Variants in SPATA13 observed in about 807,000 individuals in gnomAD.
SPATA13 encodes spermatogenesis-associated protein 13.
In SPATA13, 50 loss-of-function variants were observed where a neutral mutation model predicts 104.0. The ratio of observed to expected loss-of-function variants is 0.48; its 90% CI spans 0.38 to 0.61. SPATA13 has a LOEUF of 0.61. Among genes scored for constraint, SPATA13 ranks in the 20% least tolerant of loss-of-function variants. The pLI is 0.00. For missense variants in SPATA13, 1,524 were observed against 1,690.6 expected, an observed-to-expected ratio of 0.90 and a Z score of 1.73; for synonymous variants, 606 against 667.5, an observed-to-expected ratio of 0.91 and a Z score of 1.42.
At chr13:23,998,308 T>A (rs1382536148) in intron 2 of SPATA13, among the ~76,000 whole-genome samples, 2 of 152,216 alleles carry the variant, frequency 1.3e-5, no homozygotes, top group African/African-American at 4.8e-5. Context: ...TAGTTTTAAT[T>A]TGCATTTTCT....
At chr13:24,026,476 T>C (rs1877220050) in intron 3 of SPATA13, among the ~76,000 whole-genome samples, 1 of 152,238 alleles carries the variant, frequency 6.6e-6, no homozygotes, top group African/African-American at 2.4e-5. Context: ...GTGGTTCAGT[T>C]TGGGTAAGAT....
At position 24,242,614 on chromosome 13, in the gene SPATA13, T is replaced by G. The variant is rs532826716; in HGVS notation, c.1654-6863T>G. 2.0e-5 allele frequency among the ~76,000 whole-genome samples: 3 copies of G among 152,326 alleles called. No individual in the cohort carries two copies. In the South Asian group the frequency reaches 6.2e-4, roughly 32 times the overall value. ...TGGGGGTAATTACGTCTTCTTTGCT[T>G]CTTTGAAAATATAATTATAGTTAGA... On this transcript the variant is annotated intron_variant, in intron 2 of 12. Transcript: ENST00000382108.
chr13:24,256,969 G>T (rs1303448444), intron 4 of SPATA13, among the ~76,000 whole-genome samples: 1 of 152,130 alleles, frequency 6.6e-6, no homozygotes, highest in Non-Finnish European at 1.5e-5. Flanking sequence ...TATCTTTGCC[G>T]CCTTTGCTTT....
intron 2 of SPATA13, among the ~76,000 whole-genome samples, chr13:24,010,109 A>C (rs1380183412): frequency 6.6e-6 from 1 of 152,158 alleles, no homozygotes; most frequent in East Asian, 1.9e-4. Context: ...CGAAGTGGGG[A>C]GGGGGCTTCC....
chr13:24,291,958 T>G (rs979963977), intron 9 of SPATA13, among the ~76,000 whole-genome samples: 1 of 151,168 alleles, frequency 6.6e-6, no homozygotes, highest in Non-Finnish European at 1.5e-5. Flanking sequence ...GGGTTTCACC[T>G]TGTTAGCCAG....
intron 2 of SPATA13, among the ~76,000 whole-genome samples, chr13:24,002,767 C>T (rs1263008088): frequency 6.6e-6 from 1 of 152,130 alleles, no homozygotes; most frequent in African/African-American, 2.4e-5. Flanking sequence ...AACAGGTTTC[C>T]TACCCGCTGC....
chr13:24,237,674 T>G (rs1235402780), intron 2 of SPATA13, among the ~76,000 whole-genome samples: 4 of 151,888 alleles, frequency 2.6e-5, no homozygotes, highest in Non-Finnish European at 5.9e-5. Flanking sequence ...TAAAAATAAT[T>G]AAAATGGAGG....
intron 4 of SPATA13, chr13:24,254,229 C>A (rs1469013213): frequency 6.6e-6 from 1 of 152,156 alleles, no homozygotes; most frequent in Non-Finnish European, 1.5e-5. Flanking sequence ...AAGTACTTCT[C>A]CCTTGGGCAC....
At chr13:24,021,954 G>T (rs1876993812) in intron 3 of SPATA13, among the ~76,000 whole-genome samples, 1 of 151,744 alleles carries the variant, frequency 6.6e-6, no homozygotes, top group South Asian at 2.1e-4. Context: ...CTCGTAATCT[G>T]CCTGCCTCGG....
At chr13:24,107,663 G>T (rs1327865040) in intron 3 of SPATA13, among the ~76,000 whole-genome samples, 1 of 152,114 alleles carries the variant, frequency 6.6e-6, no homozygotes, top group Non-Finnish European at 1.5e-5. Context: ...CAGCGCCTAC[G>T]TCAGCTTTTC....
chr13:24,004,163 C>T (rs1876111145), intron 2 of SPATA13, among the ~76,000 whole-genome samples: 1 of 152,098 alleles, frequency 6.6e-6, no homozygotes, highest in African/African-American at 2.4e-5. Context: ...TAAAAAATCT[C>T]CAAAGCATCA....
chr13:24,190,030 T>TA (rs1869528339), intron 1 of SPATA13, among the ~76,000 whole-genome samples: 1 of 96,768 alleles, frequency 1.0e-5, no homozygotes, highest in African/African-American at 4.7e-5. Context: ...CATAATGATA[T>TA]ACAATATATA....
At chr13:24,061,901 G>GA (rs371972167) in intron 3 of SPATA13, among the ~76,000 whole-genome samples, 8 of 149,260 alleles carry the variant, frequency 5.4e-5, no homozygotes, top group Admixed American at 6.7e-5. Context: ...AAAAAAAAAA[G>GA]AAAAAAACTG....
chr13:24,196,107 T>C (rs548302073), intron 1 of SPATA13, among the ~76,000 whole-genome samples: 2 of 152,312 alleles, frequency 1.3e-5, no homozygotes, highest in South Asian at 4.1e-4. Context: ...ATTAACTTAC[T>C]GCAGAGTTTT....
intron 2 of SPATA13, among the ~76,000 whole-genome samples, chr13:24,007,853 C>T (rs949630243): frequency 6.6e-6 from 1 of 152,240 alleles, no homozygotes; most frequent in African/African-American, 2.4e-5. Flanking sequence ...ATTACATATA[C>T]TCAATGCATG....
intron 2 of SPATA13, among the ~76,000 whole-genome samples, chr13:23,987,964 G>A (rs975949152): frequency 7.3e-4 from 107 of 146,388 alleles, no homozygotes; most frequent in Middle Eastern, 3.5e-3. Context: ...TTTTTTTTGA[G>A]ACAGAGCCTC....
At chr13:24,211,410 A>G (rs942177292) in intron 1 of SPATA13, among the ~76,000 whole-genome samples, 4 of 152,172 alleles carry the variant, frequency 2.6e-5, no homozygotes, top group Admixed American at 2.0e-4. Context: ...TGGTCTTACT[A>G]TGTTGAAGAA....
chr13:24,280,290 A>G lies in SPATA13; in HGVS notation c.2165-3845A>G, dbSNP rs150963318. On this transcript the variant is annotated intron_variant, in intron 4 of 12. Transcript: ENST00000382108. ...CCTCCTGTAAAGGTCTAACTTTTCA[A>G]TAGACTCCTGTTAATTGTGAATTTA... is the stretch of plus-strand genomic sequence containing the variant. 2.9e-3 allele frequency among the ~76,000 whole-genome samples: 444 copies of G among 152,336 alleles called. 4 individuals are homozygous for G. The highest frequency in any genetic ancestry group is 0.01 in the African/African-American group (419 of 41,576).
chr13:24,280,151 A>G (rs1306799783), intron 4 of SPATA13, among the ~76,000 whole-genome samples: 1 of 152,160 alleles, frequency 6.6e-6, no homozygotes, highest in Non-Finnish European at 1.5e-5. Flanking sequence ...AGCTGGGACT[A>G]CAGGTGCGTA....
Sources: allele counts gnomAD v4.1 joint callset (sites outside exome capture counted in the v4.1 genomes callset), GRCh38; gene constraint gnomAD v4.1.1; transcripts MANE v1.5; gene names NCBI Gene and HGNC (gene_info 2026-07-23, HGNC 2026-07-21).